Variants in GRIK4 observed in about 807,000 individuals in gnomAD.
GRIK4 encodes the protein glutamate receptor ionotropic, kainate 4.
A neutral mutation model predicts 104.9 loss-of-function variants in GRIK4; 40 were observed. That is an observed-to-expected ratio of 0.38 (90% CI 0.30 to 0.50). The LOEUF (loss-of-function observed/expected upper bound fraction) is 0.50, where lower values mean the gene tolerates loss of function less well. Ranked by LOEUF, GRIK4 falls within the 20% of genes least tolerant of loss-of-function variation. The probability of loss-of-function intolerance (pLI) is 0.93; values close to 1 mark genes in which losing one functional copy is unlikely to be tolerated. For synonymous variants in GRIK4, 485 were observed against 524.9 expected, an observed-to-expected ratio of 0.92 and a Z score of 1.04; for missense variants, 1,047 against 1,308.1, an observed-to-expected ratio of 0.80 and a Z score of 3.08.
intron 3 of GRIK4, among the ~76,000 whole-genome samples, chr11:120,731,246 C>G (rs1951122790): frequency 1.3e-5 from 2 of 149,596 alleles, no homozygotes; most frequent in South Asian, 4.2e-4. Context: ...TCTTCTATAC[C>G]TGTTTTTTTT....
intron 13 of GRIK4, among the ~76,000 whole-genome samples, chr11:120,920,687 T>C (rs970548702): frequency 2.0e-5 from 3 of 152,192 alleles, no homozygotes; most frequent in Non-Finnish European, 4.4e-5. Flanking sequence ...ATGGCAGTGG[T>C]GGAGCACCCA....
intron 1 of GRIK4, among the ~76,000 whole-genome samples, chr11:120,523,546 C>T (rs1436849880): frequency 2.0e-5 from 3 of 152,200 alleles, no homozygotes; most frequent in African/African-American, 4.8e-5. Context: ...TGCCATCCTG[C>T]GTTACTGCAG....
At chr11:120,771,568 C>G (rs1211656626) in intron 3 of GRIK4, among the ~76,000 whole-genome samples, 1 of 152,144 alleles carries the variant, frequency 6.6e-6, no homozygotes, top group African/African-American at 2.4e-5. Context: ...TAGAAAATCC[C>G]CAGTCTATCT....
chr11:120,634,845 G>T (rs1005461929), intron 1 of GRIK4, among the ~76,000 whole-genome samples: 1 of 152,132 alleles, frequency 6.6e-6, no homozygotes, highest in Non-Finnish European at 1.5e-5. Flanking sequence ...TCACGGAGTC[G>T]CCAAGCATGT....
chr11:120,782,805 A>G (rs537461529), intron 3 of GRIK4, among the ~76,000 whole-genome samples: 2 of 152,120 alleles, frequency 1.3e-5, no homozygotes, highest in South Asian at 4.2e-4. Context: ...GCTGGGGGCA[A>G]TTTCTCCCCC....
intron 3 of GRIK4, among the ~76,000 whole-genome samples, chr11:120,710,523 C>T (rs763456067): frequency 3.3e-5 from 5 of 152,204 alleles, no homozygotes; most frequent in Non-Finnish European, 7.3e-5. Flanking sequence ...ACGGCCCCCC[C>T]ATTCCAGCTG....
chr11:120,739,700 C>T (rs1160705260), intron 3 of GRIK4, among the ~76,000 whole-genome samples: 4 of 152,220 alleles, frequency 2.6e-5, no homozygotes, highest in African/African-American at 9.6e-5. Context: ...ATACGGGGCA[C>T]TTTGGAGTCC....
At chr11:120,640,748 A>G (rs904342864) in intron 1 of GRIK4, among the ~76,000 whole-genome samples, 15 of 150,138 alleles carry the variant, frequency 1.0e-4, no homozygotes, top group African/African-American at 3.4e-4. Context: ...TCGCTCTGTC[A>G]TTCAGGCTGG....
chr11:120,539,999 C>A (rs1008959629), intron 1 of GRIK4, among the ~76,000 whole-genome samples: 36 of 152,006 alleles, frequency 2.4e-4, no homozygotes, highest in Non-Finnish European at 4.6e-4. Context: ...GTTATTGGAC[C>A]AAGAAGGGAG....
chr11:120,525,861 G>A (rs1190093448), intron 1 of GRIK4, among the ~76,000 whole-genome samples: 5 of 152,110 alleles, frequency 3.3e-5, no homozygotes, highest in African/African-American at 9.7e-5. Context: ...CTCACTGTGC[G>A]GCGTTGGACA....
intron 1 of GRIK4, among the ~76,000 whole-genome samples, chr11:120,631,560 C>T (rs973746830): frequency 6.6e-6 from 1 of 152,200 alleles, no homozygotes; most frequent in Non-Finnish European, 1.5e-5. Context: ...CCCTCTGCCC[C>T]CAGGACAGTA....
chr11:120,968,441 G>A (rs1944420536), intron 19 of GRIK4, among the ~76,000 whole-genome samples: 1 of 152,206 alleles, frequency 6.6e-6, no homozygotes, highest in African/African-American at 2.4e-5. Flanking sequence ...GAGGAAGACA[G>A]CTGAGGAGTA....
At chr11:120,669,377 G>A (rs10790389) in intron 3 of GRIK4, among the ~76,000 whole-genome samples, 19 of 151,998 alleles carry the variant, frequency 1.3e-4, no homozygotes, top group Non-Finnish European at 2.2e-4. Context: ...AATGATTCCC[G>A]CTTCTTAAAA....
chr11:120,719,656 C>T (rs533672563), intron 3 of GRIK4, among the ~76,000 whole-genome samples: 31 of 152,098 alleles, frequency 2.0e-4, no homozygotes, highest in Non-Finnish European at 4.4e-4. Context: ...TCTCAGGAGT[C>T]CAGAGTCATT....
rs1304597586 is a variant in GRIK4 at position 120,982,188 on chromosome 11, G to C, written c.2478G>C (p.Glu826Asp). 1 of 1,610,718 alleles carries C rather than the reference G, an allele frequency of 6.2e-7. No individual in the cohort carries two copies. ...TGGCCATTTTTATGGCTATGTTGGAGTTTTTATGGACTCTCAGACACTCAG... is the reference window on the plus strand; with the variant it reads ...TGGCCATTTTTATGGCTATGTTGGACTTTTTATGGACTCTCAGACACTCAG... ...LIVAIFMAMLEFLWTLRHSEA... is the reference protein window; with the variant it reads ...LIVAIFMAMLDFLWTLRHSEA... Residue 826 changes from glutamate to aspartate, a missense_variant, in exon 20 of 21, where the codon GAG becomes GAC. Physicochemically the swap from Glu to Asp is conservative, Grantham distance 45 (BLOSUM62 2). Coordinates refer to ENST00000527524, the MANE Select transcript of GRIK4 (RefSeq NM_014619.5).
intron 3 of GRIK4, among the ~76,000 whole-genome samples, chr11:120,743,205 G>A (rs940450653): frequency 4.6e-5 from 7 of 151,266 alleles, no homozygotes; most frequent in Non-Finnish European, 8.8e-5. Context: ...ACTCCAGCCT[G>A]GGTGACAGAG....
At chr11:120,711,072 T>C (rs1565308881) in intron 3 of GRIK4, among the ~76,000 whole-genome samples, 1 of 150,452 alleles carries the variant, frequency 6.6e-6, no homozygotes, top group Non-Finnish European at 1.5e-5. Context: ...GGGTGGGCCA[T>C]GCTGAGCTGT....
At chr11:120,514,067 C>T (rs1947693695) in intron 1 of GRIK4, among the ~76,000 whole-genome samples, 1 of 152,120 alleles carries the variant, frequency 6.6e-6, no homozygotes, top group African/African-American at 2.4e-5. Flanking sequence ...GGTTCTCAGC[C>T]ATCCAGAGAT....
At chr11:120,807,668 TAAG>T (rs1952743229) in intron 4 of GRIK4, among the ~76,000 whole-genome samples, 1 of 144,358 alleles carries the variant, frequency 6.9e-6, no homozygotes. Context: ...GAAAAAAAAG[TAAG>T]AAGCCAGAAG....
Sources: gnomAD v4.1 joint callset for allele counts (sites outside exome capture counted in the v4.1 genomes callset) on GRCh38, gnomAD v4.1.1 for gene constraint, MANE v1.5 for transcripts, NCBI Gene and HGNC (gene_info 2026-07-23, HGNC 2026-07-21) for gene names.